Variants in SDK1 observed in about 807,000 individuals in gnomAD.
SDK1 encodes sidekick cell adhesion molecule 1.
SDK1 carries 157 observed loss-of-function variants against 245.5 expected under a neutral mutation model. The observed-to-expected ratio is 0.64, with a 90% CI of 0.56 to 0.73. The LOEUF (loss-of-function observed/expected upper bound fraction) is 0.73. SDK1 is among the 30% of genes least tolerant of loss of function. SDK1 has a pLI of 0.00. For missense variants in SDK1, 3,583 were observed against 3,002.3 expected, an observed-to-expected ratio of 1.19 and a Z score of -4.52; for synonymous variants, 1,647 against 1,278.5, an observed-to-expected ratio of 1.29 and a Z score of -6.15.
intron 4 of SDK1, among the ~76,000 whole-genome samples, chr7:3,682,078 T>G (rs1784116684): frequency 1.3e-5 from 2 of 152,196 alleles, no homozygotes; most frequent in African/African-American, 4.8e-5. Context: ...TGGTAGAATT[T>G]TGAAGTATCT....
intron 42 of SDK1, among the ~76,000 whole-genome samples, chr7:4,239,177 G>T (rs1786370873): frequency 6.6e-6 from 1 of 152,190 alleles, no homozygotes; most frequent in African/African-American, 2.4e-5. Context: ...AGAGAAAGGA[G>T]CAAATGAACG....
chr7:3,926,834 C>A (rs923839574), intron 5 of SDK1, among the ~76,000 whole-genome samples: 1 of 152,232 alleles, frequency 6.6e-6, no homozygotes, highest in South Asian at 2.1e-4. Flanking sequence ...CTGTGTGACC[C>A]AGGCCACATC....
chr7:3,669,919 A>C (rs558915446), intron 4 of SDK1, among the ~76,000 whole-genome samples: 1 of 152,304 alleles, frequency 6.6e-6, no homozygotes, highest in Admixed American at 6.5e-5. Flanking sequence ...TTCTTAACAT[A>C]AATGACACTG....
At chr7:3,537,794 C>A (rs1470819242) in intron 1 of SDK1, among the ~76,000 whole-genome samples, 1 of 152,134 alleles carries the variant, frequency 6.6e-6, no homozygotes, top group African/African-American at 2.4e-5. Context: ...AGACTGTATT[C>A]CTCTTCTGCC....
At chr7:3,600,797 C>T (rs1781231352) in intron 1 of SDK1, among the ~76,000 whole-genome samples, 1 of 152,066 alleles carries the variant, frequency 6.6e-6, no homozygotes, top group African/African-American at 2.4e-5. Context: ...ATCCGGCCAT[C>T]TCGGCCTCCC....
At chr7:4,055,753 A>C (rs1779155739) in intron 19 of SDK1, among the ~76,000 whole-genome samples, 1 of 151,858 alleles carries the variant, frequency 6.6e-6, no homozygotes, top group Non-Finnish European at 1.5e-5. Context: ...CCTTGTTTCC[A>C]GTGTGAGCGT....
intron 44 of SDK1, among the ~76,000 whole-genome samples, chr7:4,250,908 A>T (rs1484806568): frequency 2.0e-5 from 3 of 152,156 alleles, no homozygotes; most frequent in Admixed American, 6.5e-5. Flanking sequence ...TCATCGCTCT[A>T]AAAAGAAACC....
At chr7:4,067,430 G>C (rs544206787) in intron 19 of SDK1, among the ~76,000 whole-genome samples, 27 of 152,156 alleles carry the variant, frequency 1.8e-4, no homozygotes, top group Non-Finnish European at 3.2e-4. Flanking sequence ...TCCTTTTCTG[G>C]TTTGCACAAG....
At chr7:3,404,404 T>G (rs903957382) in intron 1 of SDK1, among the ~76,000 whole-genome samples, 1 of 152,224 alleles carries the variant, frequency 6.6e-6, no homozygotes, top group African/African-American at 2.4e-5. Flanking sequence ...TTTTGTATGT[T>G]TTATTATTTT....
chr7:3,914,591 G>C (rs1288794573), intron 5 of SDK1, among the ~76,000 whole-genome samples: 1 of 152,204 alleles, frequency 6.6e-6, no homozygotes, highest in African/African-American at 2.4e-5. Flanking sequence ...AGCTAGGGAA[G>C]TTCAAAGGCT....
chr7:3,930,589 C>G (rs1435431940), intron 5 of SDK1, among the ~76,000 whole-genome samples: 1 of 152,170 alleles, frequency 6.6e-6, no homozygotes, highest in Non-Finnish European at 1.5e-5. Flanking sequence ...TCAAATTAAG[C>G]TAATTCGTAA....
intron 4 of SDK1, among the ~76,000 whole-genome samples, chr7:3,817,122 C>G (rs993138441): frequency 6.6e-6 from 1 of 152,124 alleles, no homozygotes; most frequent in African/African-American, 2.4e-5. Context: ...GAGCAAAATA[C>G]TTATTGATAA....
chr7:3,872,346 G>C (rs957835212), intron 5 of SDK1, among the ~76,000 whole-genome samples: 1 of 152,014 alleles, frequency 6.6e-6, no homozygotes, highest in African/African-American at 2.4e-5. Context: ...TTTATTTTCT[G>C]TAAGATATCG....
chr7:3,586,874 C>T (rs528287688), intron 1 of SDK1, among the ~76,000 whole-genome samples: 1 of 152,116 alleles, frequency 6.6e-6, no homozygotes, highest in Non-Finnish European at 1.5e-5. Context: ...AGGGAGGTGA[C>T]ATGTGCTGGA....
At chr7:4,152,579 C>G (rs868734026) in intron 30 of SDK1, among the ~76,000 whole-genome samples, 1 of 152,198 alleles carries the variant, frequency 6.6e-6, no homozygotes, top group South Asian at 2.1e-4. Context: ...GTCCATGTTT[C>G]AGGACAGACA....
chr7:3,454,101 C>T (rs1411460083), intron 1 of SDK1, among the ~76,000 whole-genome samples: 1 of 152,096 alleles, frequency 6.6e-6, no homozygotes, highest in Admixed American at 6.6e-5. Context: ...CACAGTACAT[C>T]ACCAGCTGCT....
At chr7:4,262,122 C>G (rs1222091008) in intron 44 of SDK1, among the ~76,000 whole-genome samples, 1 of 136,762 alleles carries the variant, frequency 7.3e-6, no homozygotes, top group Non-Finnish European at 1.6e-5. Flanking sequence ...CTCAAGAATC[C>G]CTTGAACCCG....
At chr7:4,213,484 C>G (rs1784613311) in intron 38 of SDK1, among the ~76,000 whole-genome samples, 1 of 151,724 alleles carries the variant, frequency 6.6e-6, no homozygotes, top group South Asian at 2.1e-4. Flanking sequence ...ACTCGGGAGG[C>G]TGAGGCAGGA....
intron 1 of SDK1, among the ~76,000 whole-genome samples, chr7:3,320,554 T>C (rs985800854): frequency 1.3e-5 from 2 of 152,212 alleles, no homozygotes; most frequent in African/African-American, 4.8e-5. Flanking sequence ...TAATTTTTGT[T>C]CTTTACACAT....
Sources: gnomAD v4.1 joint callset for allele counts (sites outside exome capture counted in the v4.1 genomes callset) on GRCh38, gnomAD v4.1.1 for gene constraint, MANE v1.5 for transcripts, NCBI Gene and HGNC (gene_info 2026-07-23, HGNC 2026-07-21) for gene names.